URB1: variants seen among roughly 807,000 people sequenced by gnomAD.
The protein encoded by URB1 is nucleolar pre-ribosomal-associated protein 1.
A neutral mutation model predicts 242.3 loss-of-function variants in URB1; 197 were observed. The observed-to-expected ratio is 0.81, with a 90% CI of 0.72 to 0.91. URB1 has a LOEUF of 0.91. Among genes scored for constraint, URB1 ranks in the 40% least tolerant of loss-of-function variants. The probability of loss-of-function intolerance (pLI) is 0.00; values close to 1 mark genes in which losing one functional copy is unlikely to be tolerated. For synonymous variants in URB1, 1,153 were observed against 1,201.8 expected (o/e 0.96, Z 0.84); for missense variants, 2,721 against 2,860.5 (o/e 0.95, Z 1.11).
chr21:32,379,507 T>C (rs1324712964), intron 4 of URB1, among the ~76,000 whole-genome samples: 1 of 152,198 alleles, frequency 6.6e-6, no homozygotes, highest in African/African-American at 2.4e-5. Context: ...CACTTAGTAG[T>C]AGCAGGAGAG....
At chr21:32,383,287 G>T in intron 4 of URB1, 135 bp downstream of exon 4, 1 of 1,176,208 alleles carries the variant, frequency 8.5e-7, no homozygotes, top group Non-Finnish European at 1.2e-6. Flanking sequence ...TGTGGCTGCT[G>T]ACACACACCT....
chr21:32,361,635 C>A (rs1447939617), intron 12 of URB1, among the ~76,000 whole-genome samples: 1 of 152,186 alleles, frequency 6.6e-6, no homozygotes, highest in Non-Finnish European at 1.5e-5. Context: ...GCACATGGCA[C>A]CCAACACTCA....
At chr21:32,315,165 G>A (rs1177681198) in intron 38 of URB1, 66 bp from the exon 39 acceptor site, 6 of 1,413,116 alleles carry the variant, frequency 4.2e-6, no homozygotes, top group Non-Finnish European at 5.6e-6. Context: ...AGGTCATCCT[G>A]CCCACAATGC....
At position 32,320,859 on chromosome 21, in the gene URB1, CG is replaced by C. The variant is rs2032756705; in HGVS notation, c.5485-220del. On this transcript the variant is annotated intron_variant, in intron 34 of 38. Transcript: ENST00000382751. ...AGACTTCCACAGCAATCTCTGGGCC[CG>C]GGGATCCCCACTTCCGTTAATCCAT... Among the ~76,000 whole-genome samples the C allele has an allele frequency of 2.0e-5, 3 of 152,202 alleles. No individual in the cohort carries two copies. The South Asian group carries it at 6.2e-4, about 31-fold the overall frequency.
chr21:32,377,220 C>T (rs755282545), intron 5 of URB1: 25 of 518,844 alleles, frequency 4.8e-5, no homozygotes, highest in Admixed American at 3.3e-4. Flanking sequence ...CAGCAGCCTA[C>T]GGGAACAGAG....
chr21:32,346,793 A>C (rs1347222098), intron 22 of URB1, among the ~76,000 whole-genome samples, 163 bp downstream of exon 22: 1 of 152,198 alleles, frequency 6.6e-6, no homozygotes, highest in Non-Finnish European at 1.5e-5. Flanking sequence ...GGTACTGGGG[A>C]GAATTACTCC....
At chr21:32,329,159 T>C (rs2032864633) in intron 30 of URB1, among the ~76,000 whole-genome samples, 1 of 151,772 alleles carries the variant, frequency 6.6e-6, no homozygotes, top group African/African-American at 2.4e-5. Flanking sequence ...TCCTAGCTAC[T>C]CAGGAGGCTG....
intron 8 of URB1, among the ~76,000 whole-genome samples, chr21:32,369,627 A>C (rs966756501): frequency 1.3e-5 from 2 of 152,078 alleles, no homozygotes; most frequent in Admixed American, 1.3e-4. Context: ...ATCTGGAAAT[A>C]AAGTTTTTTT....
At position 32,345,392 on chromosome 21, in the gene URB1, G is replaced by A; in HGVS notation, c.4052C>T (p.Thr1351Ile). The A allele has an allele frequency of 6.4e-7, 1 of 1,551,350 alleles. No homozygotes were observed. The highest frequency in any genetic ancestry group is 1.4e-5 in the African/African-American group (1 of 73,028). ...TTCATACCTCTTGTGACTGCTTGGG[G>A]TGTGAAGCAAGCTGGGCAGGCGGTC... ...LMDRLPSLLH[T>I]PSSHKRWIVA... The change falls in exon 23 of 39, where the codon ACC (threonine) becomes ATC (isoleucine). Residue 1351 changes from threonine (T) to isoleucine (I), a missense_variant. Transcript: ENST00000382751.
At chr21:32,375,521 A>G in intron 5 of URB1, 38 bp from the exon 6 acceptor site, 1 of 1,253,880 alleles carries the variant, frequency 8.0e-7, no homozygotes, top group Non-Finnish European at 1.1e-6. Flanking sequence ...ATTCAAAAAT[A>G]TTTTGAAAAT....
At chr21:32,324,364 T>C (rs2032802577) in intron 32 of URB1, 127 bp downstream of exon 32, 1 of 743,082 alleles carries the variant, frequency 1.3e-6, no homozygotes, top group Non-Finnish European at 2.3e-6. Flanking sequence ...TCTTCCACAA[T>C]CATGAGCACG....
chr21:32,350,841 C>T lies in URB1; in HGVS notation c.2695G>A (p.Glu899Lys), dbSNP rs914004805. Reference protein sequence around the residue: ...SFTALLQAAYESQALRDEHIQ... With the variant: ...SFTALLQAAYKSQALRDEHIQ... ...TGCTCGTCCCGAAGCGCTTGGCTCT[C>T]GTAGGCTGCCTGCAGCAGGGCTGTG... The change falls in exon 20 of 39, where the codon GAG becomes AAG. Residue 899 changes from glutamate (E) to lysine (K), a missense_variant. Physicochemically the swap from Glu to Lys is moderately conservative, Grantham distance 56 (BLOSUM62 1). Transcript: ENST00000382751. 3.2e-6 allele frequency: 5 copies of T among 1,551,014 alleles called. No homozygotes were observed. Among genetic ancestry groups the T allele is most frequent in the African/African-American group, 1.4e-5 (1 of 73,012 alleles).
rs1200920859 is a variant in URB1 at position 32,314,535 on chromosome 21, C to T, written c.*383G>A. 5.6e-6 allele frequency: 9 copies of T among 1,606,588 alleles called. No individual in the cohort carries two copies. The highest frequency in any genetic ancestry group is 1.3e-5 in the African/African-American group (1 of 74,776). ...TCGTTTTCATAAAAAAAATCTGATA[C>T]CTTTTGACATTTCAGCTTTAACACA... On this transcript the variant is annotated 3_prime_UTR_variant, in exon 39 of 39. Coordinates refer to ENST00000382751, the MANE Select transcript of URB1 (RefSeq NM_014825.3).
intron 30 of URB1, among the ~76,000 whole-genome samples, chr21:32,326,785 C>A (rs900199022): frequency 3.9e-5 from 6 of 152,168 alleles, no homozygotes; most frequent in Non-Finnish European, 8.8e-5. Flanking sequence ...CCTACACAGA[C>A]TATGAAACCA....
At position 32,350,724 on chromosome 21, in the gene URB1, T is replaced by A; in HGVS notation, c.2812A>T (p.Thr938Ser). Residue 938 changes from threonine to serine, a missense_variant, in exon 20 of 39, where the codon ACT becomes TCT. Transcript: ENST00000382751. Reference sequence around the variant, plus strand: ...CTGACCTGGCCGAAGTTCTCCACAGTGCTCCGCAGGTAGAGCAACACCTGC... The same window carrying A: ...CTGACCTGGCCGAAGTTCTCCACAGAGCTCCGCAGGTAGAGCAACACCTGC... Reference protein sequence around the residue: ...AKQVLLYLRSTVENFGQLGRS... With the variant: ...AKQVLLYLRSSVENFGQLGRS... 1 of 1,551,428 alleles carries A rather than the reference T, an allele frequency of 6.4e-7. No homozygotes were observed. Among genetic ancestry groups the A allele is most frequent in the South Asian group, 1.2e-5 (1 of 84,044 alleles).
At chr21:32,367,400 C>T (rs2033357987) in intron 9 of URB1, among the ~76,000 whole-genome samples, 1 of 152,176 alleles carries the variant, frequency 6.6e-6, no homozygotes, top group African/African-American at 2.4e-5. Context: ...GGGTGGAGTA[C>T]ATCCTCCTCA....
intron 14 of URB1, among the ~76,000 whole-genome samples, chr21:32,358,544 C>G (rs59329792): frequency 2.6e-4 from 40 of 152,342 alleles, no homozygotes; most frequent in African/African-American, 8.9e-4. Context: ...GTGTGTCTCA[C>G]TACAGCCCTT....
intron 10 of URB1, 33 bp from the exon 11 acceptor site, chr21:32,363,362 C>A: frequency 6.5e-7 from 1 of 1,542,984 alleles, no homozygotes; most frequent in Non-Finnish European, 8.7e-7. Context: ...GCACACATGT[C>A]TCTAGGATAC....
At chr21:32,348,094 C>A (rs546893174) in intron 21 of URB1, among the ~76,000 whole-genome samples, 1 of 152,300 alleles carries the variant, frequency 6.6e-6, no homozygotes, top group South Asian at 2.1e-4. Flanking sequence ...GCCCCACCCA[C>A]ATTTGCGAGC....
Sources: allele counts gnomAD v4.1 joint callset (sites outside exome capture counted in the v4.1 genomes callset), GRCh38; gene constraint gnomAD v4.1.1; transcripts MANE v1.5; gene names NCBI Gene and HGNC (gene_info 2026-07-23, HGNC 2026-07-21).